ROBO1: variants seen among roughly 807,000 people sequenced by gnomAD.
The protein encoded by ROBO1 is roundabout homolog 1.
ROBO1 carries 149 observed loss-of-function variants against 195.9 expected under a neutral mutation model. The observed-to-expected ratio is 0.76, with a 90% CI of 0.67 to 0.87. ROBO1 has a LOEUF of 0.87. ROBO1 is among the 40% of genes least tolerant of loss of function. The pLI is 0.00. For missense variants in ROBO1, 1,933 were observed against 2,068.3 expected, an observed-to-expected ratio of 0.93 and a Z score of 1.27; for synonymous variants, 816 against 733.2, an observed-to-expected ratio of 1.11 and a Z score of -1.82.
chr3:79,747,178 G>C (rs1267196219), intron 1 of ROBO1, among the ~76,000 whole-genome samples: 1 of 152,028 alleles, frequency 6.6e-6, no homozygotes, highest in Non-Finnish European at 1.5e-5. Flanking sequence ...GCTGATTAGA[G>C]AGAATGCTAG....
chr3:78,756,225 ACACT>A (rs2082927583), intron 4 of ROBO1, among the ~76,000 whole-genome samples: 2 of 152,158 alleles, frequency 1.3e-5, no homozygotes, highest in African/African-American at 4.8e-5. Context: ...AAAACAAAAA[ACACT>A]CAGTTATTTT....
chr3:78,814,074 A>T (rs1480982200), intron 4 of ROBO1, among the ~76,000 whole-genome samples: 1 of 152,040 alleles, frequency 6.6e-6, no homozygotes, highest in Non-Finnish European at 1.5e-5. Flanking sequence ...AATATTTAAA[A>T]TAGGGTCCAG....
chr3:79,616,269 A>T (rs2107948653), intron 1 of ROBO1, among the ~76,000 whole-genome samples: 1 of 152,282 alleles, frequency 6.6e-6, no homozygotes, highest in African/African-American at 2.4e-5. Flanking sequence ...ATGCCAAGAG[A>T]ATTTCAGTCC....
intron 4 of ROBO1, among the ~76,000 whole-genome samples, chr3:78,915,791 A>C (rs1352954291): frequency 6.6e-6 from 1 of 151,946 alleles, no homozygotes; most frequent in Non-Finnish European, 1.5e-5. Context: ...CCGAGTAGCT[A>C]GGACTAGGTG....
intron 4 of ROBO1, among the ~76,000 whole-genome samples, chr3:78,934,484 A>G (rs1045172098): frequency 6.6e-6 from 1 of 152,028 alleles, no homozygotes; most frequent in Non-Finnish European, 1.5e-5. Context: ...GAATATTTTA[A>G]AAGATCCAAT....
At chr3:79,637,427 C>A (rs1021811449) in intron 1 of ROBO1, among the ~76,000 whole-genome samples, 7 of 149,444 alleles carry the variant, frequency 4.7e-5, no homozygotes, top group African/African-American at 1.7e-4. Context: ...TTCCCAAACC[C>A]TTTTTAAGAG....
intron 1 of ROBO1, among the ~76,000 whole-genome samples, chr3:79,730,665 T>C (rs1467628298): frequency 6.6e-6 from 1 of 151,746 alleles, no homozygotes; most frequent in Non-Finnish European, 1.5e-5. Context: ...ATCAGATCTC[T>C]AACATCTGGC....
chr3:78,936,536 G>T (rs1334816650), intron 4 of ROBO1, among the ~76,000 whole-genome samples: 2 of 152,028 alleles, frequency 1.3e-5, no homozygotes, highest in African/African-American at 2.4e-5. Flanking sequence ...TAGGGGAAAA[G>T]AAATGATAGT....
intron 1 of ROBO1, among the ~76,000 whole-genome samples, chr3:79,755,814 G>A (rs769030937): frequency 1.3e-5 from 2 of 152,144 alleles, no homozygotes; most frequent in Non-Finnish European, 2.9e-5. Flanking sequence ...TGCAATTCAC[G>A]ATCTCAGCAC....
At chr3:78,660,866 T>C (rs567614653) in intron 16 of ROBO1, 164 bp downstream of exon 16, 1 of 585,144 alleles carries the variant, frequency 1.7e-6, no homozygotes, top group South Asian at 2.9e-5. Context: ...ATTTTGCTTT[T>C]CTAGTTTTCT....
At chr3:79,674,826 C>A (rs1356262815) in intron 1 of ROBO1, among the ~76,000 whole-genome samples, 2 of 118,166 alleles carry the variant, frequency 1.7e-5, no homozygotes, top group Non-Finnish European at 3.5e-5. Context: ...CTATTTATAT[C>A]CGTGTGTGTG....
chr3:78,860,301 A>ACTATATATAT, intron 4 of ROBO1, among the ~76,000 whole-genome samples: 1 of 66,592 alleles, frequency 1.5e-5, no homozygotes, highest in East Asian at 3.7e-4. Flanking sequence ...ATTGAAATAT[A>ACTATATATAT]CTATATATAT....
intron 2 of ROBO1, among the ~76,000 whole-genome samples, chr3:79,256,041 C>T (rs551451458): frequency 2.6e-4 from 39 of 152,256 alleles, no homozygotes; most frequent in African/African-American, 9.4e-4. Context: ...CCATTGAATA[C>T]AAACTTCTGA....
intron 3 of ROBO1, among the ~76,000 whole-genome samples, chr3:79,052,670 T>C: frequency 6.6e-6 from 1 of 152,212 alleles, no homozygotes; most frequent in Non-Finnish European, 1.5e-5. Context: ...TTTCTCTTTA[T>C]TTCTCAGACT....
chr3:79,730,220 A>G (rs1703087986), intron 1 of ROBO1, among the ~76,000 whole-genome samples: 1 of 152,182 alleles, frequency 6.6e-6, no homozygotes, highest in Non-Finnish European at 1.5e-5. Context: ...ATATATACAA[A>G]CACAGGTGTT....
At chr3:79,083,665 T>C (rs1054994313) in intron 3 of ROBO1, among the ~76,000 whole-genome samples, 3 of 152,236 alleles carry the variant, frequency 2.0e-5, no homozygotes, top group African/African-American at 7.2e-5. Context: ...ACCTTAGCCC[T>C]TGAATTTCTT....
At chr3:78,898,859 T>A (rs2037418089) in intron 4 of ROBO1, among the ~76,000 whole-genome samples, 1 of 152,210 alleles carries the variant, frequency 6.6e-6, no homozygotes, top group Admixed American at 6.5e-5. Context: ...TTATAACATG[T>A]CATGTCTGTT....
chr3:79,641,988 C>T (rs1234968656), intron 1 of ROBO1, among the ~76,000 whole-genome samples: 2 of 152,082 alleles, frequency 1.3e-5, no homozygotes, highest in Admixed American at 1.3e-4. Context: ...CACTGTGCTC[C>T]ATCCTGGGTG....
intron 2 of ROBO1, among the ~76,000 whole-genome samples, chr3:79,362,625 T>C (rs1277751713): frequency 6.6e-6 from 1 of 152,186 alleles, no homozygotes; most frequent in Non-Finnish European, 1.5e-5. Context: ...AAGCCAAGTA[T>C]GCTCCCTCAG....
Sources: allele counts gnomAD v4.1 joint callset (sites outside exome capture counted in the v4.1 genomes callset), GRCh38; gene constraint gnomAD v4.1.1; transcripts MANE v1.5; gene names NCBI Gene and HGNC (gene_info 2026-07-23, HGNC 2026-07-21).